Variants in STON1 observed in about 807,000 individuals in gnomAD.
STON1 encodes stonin-1.
STON1 carries 79 observed loss-of-function variants against 60.9 expected under a neutral mutation model. The observed-to-expected ratio is 1.30, with a 90% CI of 1.08 to 1.56. STON1 has a LOEUF of 1.56. Among genes scored for constraint, STON1 ranks in the 40% most tolerant of loss-of-function variants. The probability of loss-of-function intolerance (pLI) is 0.00; values close to 1 mark genes in which losing one functional copy is unlikely to be tolerated. For missense variants in STON1, 1,166 were observed against 858.9 expected, an observed-to-expected ratio of 1.36 and a Z score of -4.47; for synonymous variants, 363 against 306.9, an observed-to-expected ratio of 1.18 and a Z score of -1.91.
At chr2:48,533,361 CAG>C (rs1156543198) in intron 1 of STON1, among the ~76,000 whole-genome samples, 2 of 151,398 alleles carry the variant, frequency 1.3e-5, no homozygotes, top group African/African-American at 4.9e-5. Flanking sequence ...GCCTGGGCGA[CAG>C]AGCGAGACTC....
chr2:48,586,744 A>G (rs1181272610), intron 2 of STON1, among the ~76,000 whole-genome samples: 1 of 152,148 alleles, frequency 6.6e-6, no homozygotes, highest in Non-Finnish European at 1.5e-5. Flanking sequence ...CTACAGAATC[A>G]TATCTTGTTT....
intron 2 of STON1, among the ~76,000 whole-genome samples, chr2:48,583,875 C>A (rs375215204): frequency 1.3e-5 from 2 of 151,922 alleles, no homozygotes; most frequent in Non-Finnish European, 2.9e-5. Flanking sequence ...CCTCAGCCTC[C>A]GGAGTAGCTG....
intron 1 of STON1, among the ~76,000 whole-genome samples, chr2:48,563,901 T>C (rs898803151): frequency 6.6e-6 from 1 of 151,716 alleles, no homozygotes; most frequent in African/African-American, 2.4e-5. Flanking sequence ...GGTCTCACTA[T>C]GTTGCCCAGG....
chr2:48,563,698 TG>T (rs1672703359), intron 1 of STON1, among the ~76,000 whole-genome samples: 1 of 149,136 alleles, frequency 6.7e-6, no homozygotes, highest in Non-Finnish European at 1.5e-5. Flanking sequence ...TTGTTTTTGT[TG>T]TTGTTGTTGT....
chr2:48,554,675 G>A (rs1326697543), intron 1 of STON1, among the ~76,000 whole-genome samples: 1 of 150,952 alleles, frequency 6.6e-6, no homozygotes, highest in Admixed American at 6.6e-5. Context: ...TGGCTCCCAC[G>A]TATGCGTTTC....
At chr2:48,560,612 G>A (rs1395816042) in intron 1 of STON1, among the ~76,000 whole-genome samples, 1 of 152,180 alleles carries the variant, frequency 6.6e-6, no homozygotes, top group African/African-American at 2.4e-5. Flanking sequence ...GGTCCTCTTC[G>A]TGCTGCTCCT....
At chr2:48,574,375 C>T (rs980689091) in intron 1 of STON1, among the ~76,000 whole-genome samples, 5 of 142,016 alleles carry the variant, frequency 3.5e-5, no homozygotes, top group East Asian at 4.0e-4. Flanking sequence ...AACTCCATCT[C>T]GAAAAAAAAA....
intron 1 of STON1, among the ~76,000 whole-genome samples, chr2:48,564,521 T>C (rs1276999254): frequency 1.7e-4 from 6 of 35,560 alleles, no homozygotes; most frequent in South Asian, 1.4e-3. Context: ...TTCTTCTTCT[T>C]CTTCTTCTTC....
At chr2:48,573,906 A>G (rs1524156) in intron 1 of STON1, among the ~76,000 whole-genome samples, 5,663 of 152,290 alleles carry the variant, frequency 0.037, 271 homozygotes, top group African/African-American at 0.11. Flanking sequence ...ATGCTAGGTG[A>G]AAGAAGCCAG....
At chr2:48,544,190 G>A (rs1671770246) in intron 1 of STON1, among the ~76,000 whole-genome samples, 2 of 146,686 alleles carry the variant, frequency 1.4e-5, no homozygotes, top group Non-Finnish European at 3.0e-5. Flanking sequence ...GATTTTGTGT[G>A]TGTGTGTGTG....
intron 3 of STON1, 95 bp downstream of exon 3, chr2:48,591,950 A>T: frequency 6.8e-7 from 1 of 1,470,406 alleles, no homozygotes. Flanking sequence ...GTGTGTGTGT[A>T]TATGTGTGGT....
At chr2:48,572,267 G>C (rs545541014) in intron 1 of STON1, among the ~76,000 whole-genome samples, 5 of 152,292 alleles carry the variant, frequency 3.3e-5, no homozygotes, top group Admixed American at 6.5e-5. Context: ...TGGGGAATCA[G>C]AGCTGCTGAC....
At chr2:48,544,227 ACTT>A (rs1182931997) in intron 1 of STON1, among the ~76,000 whole-genome samples, 1 of 151,964 alleles carries the variant, frequency 6.6e-6, no homozygotes, top group Non-Finnish European at 1.5e-5. Flanking sequence ...TCTGATCATG[ACTT>A]CTTAAGGAGA....
In STON1 at chr2:48,564,621, C is replaced by T. The variant is rs1269111609; in HGVS notation, c.-47-15966C>T. 5.0e-5 allele frequency among the ~76,000 whole-genome samples: 6 copies of T among 120,686 alleles called. 1 individual carries two copies. The highest frequency in any genetic ancestry group is 2.0e-4 in the African/African-American group (6 of 30,768). The allele number at this position is 120,686 out of a possible 152,430, so 79.2% of individuals were successfully genotyped here. A position where few individuals can be genotyped will look rare whatever the true frequency, so the allele number is the denominator to read the frequency against. On this transcript the variant is annotated intron_variant, in intron 1 of 3. Coordinates refer to ENST00000404752, the MANE Select transcript of STON1 (RefSeq NM_006873.4). Reference sequence around the variant, plus strand: ...CCTCCTCCTTCTCCTTCTCCTTCTCCTTCTCCTTCTCTTTCTCCTTCTCCT... The same window carrying T: ...CCTCCTCCTTCTCCTTCTCCTTCTCTTTCTCCTTCTCTTTCTCCTTCTCCT...
At chr2:48,563,273 G>T (rs763175752) in intron 1 of STON1, among the ~76,000 whole-genome samples, 2 of 152,220 alleles carry the variant, frequency 1.3e-5, no homozygotes, top group Non-Finnish European at 2.9e-5. Context: ...GAGCTGCCAG[G>T]TGCCATTCTC....
In STON1 at chr2:48,581,861, T is replaced by G. The variant is rs1365528872; in HGVS notation, c.1228T>G (p.Tyr410Asp). The change falls in exon 2 of 4, where the codon TAC becomes GAC. Residue 410 changes from tyrosine to aspartate, a missense_variant. By Grantham distance (160) the Tyr-to-Asp change is radical (BLOSUM62 -3). Transcript: ENST00000404752. Reference protein sequence around the residue: ...LPAVSKPKKNYEEQEISLEIV... With the variant: ...LPAVSKPKKNDEEQEISLEIV... ...AGCTGTTTCAAAACCAAAAAAGAAC[T>G]ACGAGGAGCAAGAAATTTCCTTGGA... The G allele has an allele frequency of 1.9e-6, 3 of 1,613,974 alleles. No individual in the cohort carries two copies. The highest frequency in any genetic ancestry group is 2.5e-6 in the Non-Finnish European group (3 of 1,180,026).
At chr2:48,531,270 A>C (rs1298742151) in intron 1 of STON1, 1 of 152,222 alleles carries the variant, frequency 6.6e-6, no homozygotes, top group African/African-American at 2.4e-5. Flanking sequence ...GCATAGCTCT[A>C]GTCTCCCTCC....
chr2:48,589,107 T>C lies in STON1; in HGVS notation c.1931-2546T>C, dbSNP rs193279749. ...AGGAGCAATTAAATATATCTACCTCTAACTTCCCAATTTTTCGACTTTTCT... is the reference window on the plus strand; with the variant it reads ...AGGAGCAATTAAATATATCTACCTCCAACTTCCCAATTTTTCGACTTTTCT... On this transcript the variant is annotated intron_variant, in intron 2 of 3. Coordinates refer to ENST00000404752, the MANE Select transcript of STON1 (RefSeq NM_006873.4). Among the ~76,000 whole-genome samples the C allele has an allele frequency of 4.7e-5, 7 of 150,086 alleles. No homozygotes were observed. The East Asian group carries it at 1.3e-3, about 29-fold the overall frequency.
intron 1 of STON1, among the ~76,000 whole-genome samples, chr2:48,553,986 G>A (rs1672205765): frequency 6.6e-6 from 1 of 152,212 alleles, no homozygotes; most frequent in Non-Finnish European, 1.5e-5. Flanking sequence ...ACTTCTGTGT[G>A]CTGTGAGCAG....
Sources: gnomAD v4.1 joint callset for allele counts (sites outside exome capture counted in the v4.1 genomes callset) on GRCh38, gnomAD v4.1.1 for gene constraint, MANE v1.5 for transcripts, NCBI Gene and HGNC (gene_info 2026-07-23, HGNC 2026-07-21) for gene names.